Variants in SLC8A1 observed in about 807,000 individuals in gnomAD.
SLC8A1 encodes the protein solute carrier family 8 member A1.
A neutral mutation model predicts 68.3 loss-of-function variants in SLC8A1; 18 were observed. That is an observed-to-expected ratio of 0.26 (90% CI 0.18 to 0.39). The LOEUF is 0.39. Among genes scored for constraint, SLC8A1 ranks in the 10% least tolerant of loss-of-function variants. SLC8A1 has a pLI of 1.00. For synonymous variants in SLC8A1, 475 were observed against 415.5 expected (o/e 1.14, Z -1.74); for missense variants, 985 against 1,156.7 (o/e 0.85, Z 2.15).
intron 2 of SLC8A1, chr2:40,251,730 C>G (rs1558958113): frequency 6.6e-6 from 1 of 152,190 alleles, no homozygotes; most frequent in Non-Finnish European, 1.5e-5. Context: ...ACAGCTGAAT[C>G]TCAGCCTGAT....
intron 2 of SLC8A1, among the ~76,000 whole-genome samples, chr2:40,180,774 A>G (rs2049366169): frequency 6.6e-6 from 1 of 152,216 alleles, no homozygotes; most frequent in African/African-American, 2.4e-5. Context: ...ATTGGATTAT[A>G]GAAGTAAAGC....
At chr2:40,257,510 G>A (rs2064111525) in intron 2 of SLC8A1, among the ~76,000 whole-genome samples, 1 of 151,798 alleles carries the variant, frequency 6.6e-6, no homozygotes. Flanking sequence ...CCCAGAGAAA[G>A]GAAAATGACT....
At chr2:40,497,507 G>C (rs567271976) in intron 1 of SLC8A1, among the ~76,000 whole-genome samples, 1 of 152,096 alleles carries the variant, frequency 6.6e-6, no homozygotes, top group African/African-American at 2.4e-5. Context: ...TCAGTATTGG[G>C]TAAGGGGGAG....
At chr2:40,152,063 T>C (rs188227785) in intron 6 of SLC8A1, among the ~76,000 whole-genome samples, 32 of 152,330 alleles carry the variant, frequency 2.1e-4, no homozygotes, top group African/African-American at 7.0e-4. Context: ...AAGTGACATA[T>C]TGTGAAGTCA....
Position 40,405,931 on chromosome 2 carries a change from T to C in SLC8A1, c.1808+22542A>G, listed in dbSNP as rs574183431. Among the ~76,000 whole-genome samples the C allele has an allele frequency of 9.8e-5, 15 of 152,314 alleles. No individual in the cohort carries two copies. The East Asian group carries it at 1.5e-3, about 16-fold the overall frequency. On this transcript the variant is annotated intron_variant, in intron 2 of 7. Transcript: ENST00000406785. Reference sequence around the variant, plus strand: ...TGTTTTGAAAATGATTAGCATGACTTTGAAAAATCTGTTAGCTGAATCTTC... The same window carrying C: ...TGTTTTGAAAATGATTAGCATGACTCTGAAAAATCTGTTAGCTGAATCTTC...
intron 2 of SLC8A1, among the ~76,000 whole-genome samples, chr2:40,320,094 A>G (rs2075006269): frequency 6.6e-6 from 1 of 152,112 alleles, no homozygotes. Context: ...TCATGTCATC[A>G]TTATCATCAT....
chr2:40,140,628 T>C (rs758532515), intron 6 of SLC8A1, among the ~76,000 whole-genome samples: 2 of 152,232 alleles, frequency 1.3e-5, no homozygotes, highest in African/African-American at 2.4e-5. Context: ...CATGGTCAAG[T>C]TTGAGAACCG....
chr2:40,220,590 A>C (rs2058180571), intron 2 of SLC8A1, among the ~76,000 whole-genome samples: 1 of 152,150 alleles, frequency 6.6e-6, no homozygotes, highest in South Asian at 2.1e-4. Flanking sequence ...AGAAAAAAGC[A>C]CTCAGCTATT....
chr2:40,230,535 C>G (rs539548728), intron 2 of SLC8A1, among the ~76,000 whole-genome samples: 1 of 152,152 alleles, frequency 6.6e-6, no homozygotes, highest in Non-Finnish European at 1.5e-5. Context: ...CATTCTACAT[C>G]AACTCTTAAT....
In SLC8A1 at chr2:40,268,224, C is replaced by G. The variant is rs1052551793; in HGVS notation, c.1809-90369G>C. Among the ~76,000 whole-genome samples, 81 of 151,948 alleles carry G rather than the reference C, an allele frequency of 5.3e-4. 1 individual carries two copies. Among genetic ancestry groups the G allele is most frequent in the African/African-American group, 1.8e-3 (75 of 41,436 alleles). On this transcript the variant is annotated intron_variant, in intron 2 of 7. Transcript: ENST00000406785. ...CTCCAGTGTCCTTTGAGTGTAGTAC[C>G]ATTAAAAACTTAGAATGCTTGATAA...
At chr2:40,235,787 C>G (rs2060282267) in intron 2 of SLC8A1, among the ~76,000 whole-genome samples, 1 of 149,272 alleles carries the variant, frequency 6.7e-6, no homozygotes, top group Non-Finnish European at 1.5e-5. Context: ...CCCAGAGATT[C>G]TGGTATGTTG....
chr2:40,494,775 G>A (rs1705582838), intron 1 of SLC8A1, among the ~76,000 whole-genome samples: 1 of 149,600 alleles, frequency 6.7e-6, no homozygotes. Flanking sequence ...TGTAATTTCT[G>A]TCAGCTATTG....
intron 2 of SLC8A1, among the ~76,000 whole-genome samples, chr2:40,399,861 A>G (rs1688147349): frequency 6.6e-6 from 1 of 152,172 alleles, no homozygotes; most frequent in African/African-American, 2.4e-5. Context: ...CCAAAGAAAG[A>G]AAAAGTAAAA....
chr2:40,152,366 CAGA>C (rs1405688014), intron 6 of SLC8A1, among the ~76,000 whole-genome samples: 1 of 152,058 alleles, frequency 6.6e-6, no homozygotes, highest in Non-Finnish European at 1.5e-5. Context: ...TAATGTGAGG[CAGA>C]AGAACAGGCG....
At chr2:40,295,473 T>C (rs1258101055) in intron 2 of SLC8A1, among the ~76,000 whole-genome samples, 2 of 152,192 alleles carry the variant, frequency 1.3e-5, no homozygotes, top group East Asian at 1.9e-4. Context: ...TATGTCATTC[T>C]AAAATAATTT....
rs544388620 is a variant in SLC8A1 at position 40,406,163 on chromosome 2, G to A, written c.1808+22310C>T. 4.2e-4 allele frequency among the ~76,000 whole-genome samples: 64 copies of A among 152,214 alleles called. 1 individual carries two copies. The South Asian group carries it at 8.5e-3, about 20-fold the overall frequency. ...AAATGCACATGGACACAGGCTCCGC[G>A]TTTTAAATTCCGCATTTTCTCAAAA... is the stretch of plus-strand genomic sequence containing the variant. On this transcript the variant is annotated intron_variant, in intron 2 of 7. Transcript: ENST00000406785.
chr2:40,225,356 G>T (rs1014002232), intron 2 of SLC8A1, among the ~76,000 whole-genome samples: 1 of 152,058 alleles, frequency 6.6e-6, no homozygotes, highest in African/African-American at 2.4e-5. Context: ...TATACATAAG[G>T]TATTTAAAAT....
At chr2:40,370,693 C>T (rs1250004940) in intron 2 of SLC8A1, among the ~76,000 whole-genome samples, 4 of 151,942 alleles carry the variant, frequency 2.6e-5, no homozygotes, top group Admixed American at 6.6e-5. Context: ...GCAAAGAAAG[C>T]CTCTACTGTA....
intron 2 of SLC8A1, among the ~76,000 whole-genome samples, chr2:40,320,059 G>GGCACAACAAATACCAAT (rs2075001144): frequency 6.6e-6 from 1 of 151,982 alleles, no homozygotes; most frequent in Non-Finnish European, 1.5e-5. Flanking sequence ...TAAGAGATGG[G>GGCACAACAAATACCAAT]ACTCAATAAA....
Sources: allele counts gnomAD v4.1 joint callset (sites outside exome capture counted in the v4.1 genomes callset), GRCh38; gene constraint gnomAD v4.1.1; transcripts MANE v1.5; gene names NCBI Gene and HGNC (gene_info 2026-07-23, HGNC 2026-07-21).